The following LZTS2 variants were observed in gnomAD, a reference collection of about 807,000 sequenced individuals.
LZTS2 encodes the protein leucine zipper tumor suppressor 2.
LZTS2 carries 32 observed loss-of-function variants against 60.6 expected under a neutral mutation model. The ratio of observed to expected loss-of-function variants is 0.53; its 90% CI spans 0.40 to 0.71. The LOEUF (loss-of-function observed/expected upper bound fraction) is 0.71, where lower values mean the gene tolerates loss of function less well. Ranked by LOEUF, LZTS2 falls within the 30% of genes least tolerant of loss-of-function variation. The pLI is 0.00. For missense variants in LZTS2, 792 were observed against 901.9 expected, an observed-to-expected ratio of 0.88 and a Z score of 1.56; for synonymous variants, 360 against 393.1, an observed-to-expected ratio of 0.92 and a Z score of 1.00.
At chr10:101,003,969 G>C (rs1235690743) in exon 2 of LZTS2, 34 of 1,611,734 alleles carry the variant, frequency 2.1e-5, no homozygotes, top group Non-Finnish European at 2.7e-5. Flanking sequence ...CCGTGTGGCT[G>C]GGGGGCTTTT....
chr10:101,005,852 C>T, intron 3 of LZTS2, 137 bp downstream of exon 4: 1 of 1,229,554 alleles, frequency 8.1e-7, no homozygotes, highest in South Asian at 1.6e-5. Context: ...TGAGGTTCCC[C>T]TCTGTCCCTT....
rs1852245607 is a variant in LZTS2, at chr10:101,007,372, C to T, written c.*204C>T. The T allele has an allele frequency of 4.2e-6, 6 of 1,417,904 alleles. No homozygotes were observed. In the East Asian group the frequency reaches 1.3e-4, roughly 31 times the overall value. The allele number at this position is 1,417,904 out of a possible 1,614,324, so 87.8% of individuals were successfully genotyped here. ...AGCAAGATCAGACCGCTCAAAGGTC[C>T]CCGTGTTCACTGTTACCCAGAGGCT... On this transcript the variant is annotated 3_prime_UTR_variant, in exon 4 of 4. Transcript: ENST00000370220.
In LZTS2 at chr10:101,006,918, G is replaced by A. The variant is rs370968288; in HGVS notation, c.1760G>A (p.Arg587Gln). Residue 587 changes from arginine to glutamine, a missense_variant, in exon 4 of 4, where the codon CGG becomes CAG. By Grantham distance (43) the Arg-to-Gln change is conservative. Transcript: ENST00000370220. Reference sequence around the variant, plus strand: ...CGGGTGGAGCTGCAGCGGGAGCGGCGGCGGGGTGAGGAGCAGCGGGACAGC... The same window carrying A: ...CGGGTGGAGCTGCAGCGGGAGCGGCAGCGGGGTGAGGAGCAGCGGGACAGC... The A allele has an allele frequency of 2.6e-5, 40 of 1,530,496 alleles. No homozygotes were observed. Among genetic ancestry groups the A allele is most frequent in the East Asian group, 1.9e-4 (8 of 41,080 alleles). 94.8% of individuals were successfully genotyped at this position (1,530,496 alleles called of 1,614,324 possible). A position where few individuals can be genotyped will look rare whatever the true frequency, so the allele number is the denominator to read the frequency against.
upstream of LZTS2, among the ~76,000 whole-genome samples, chr10:100,998,178 G>A (rs531727104): frequency 2.0e-5 from 3 of 152,280 alleles, no homozygotes; most frequent in Non-Finnish European, 2.9e-5. Flanking sequence ...AAAGGAGGAC[G>A]AGCCCCTCCC....
At chr10:101,006,909 G>A (rs368130838) in exon 4 of LZTS2, 42 of 1,531,566 alleles carry the variant, frequency 2.7e-5, no homozygotes, top group African/African-American at 2.0e-4. Context: ...GAGCTGCAGC[G>A]GGAGCGGCGG....
intron 2 of LZTS2, 130 bp downstream of exon 3, chr10:101,004,296 C>A: frequency 1.0e-6 from 1 of 991,822 alleles, no homozygotes; most frequent in Non-Finnish European, 1.4e-6. Flanking sequence ...CTGCCCTCCC[C>A]ACCAGTTGTC....
chr10:101,004,967 G>A (rs973263692), intron 2 of LZTS2, among the ~76,000 whole-genome samples: 3 of 152,144 alleles, frequency 2.0e-5, no homozygotes, highest in Non-Finnish European at 4.4e-5. Flanking sequence ...CAAAGTGCTG[G>A]GATTACAGGC....
exon 2 of LZTS2, chr10:101,003,653 C>A: frequency 6.2e-7 from 1 of 1,609,500 alleles, no homozygotes; most frequent in Non-Finnish European, 8.5e-7. Flanking sequence ...TGTTTGGGGG[C>A]CCTGCCTCCT....
chr10:100,998,094 G>A (rs559467518), upstream of LZTS2, among the ~76,000 whole-genome samples: 44 of 152,262 alleles, frequency 2.9e-4, no homozygotes, highest in African/African-American at 1.0e-3. Context: ...TGCGGGAGTC[G>A]GAGTCTCCTC....
upstream of LZTS2, chr10:100,997,056 GC>G (rs1359504781): frequency 1.3e-5 from 2 of 152,634 alleles, no homozygotes; most frequent in African/African-American, 4.8e-5. Flanking sequence ...GAGCCGCCCC[GC>G]CCCGCCCCGC....
chr10:101,005,431 G>A (rs1852150485), intron 2 of LZTS2, 27 bp from the exon 4 acceptor site: 1 of 1,519,432 alleles, frequency 6.6e-7, no homozygotes, highest in Non-Finnish European at 8.8e-7. Context: ...AACTGCCCAG[G>A]AGCCAGGTCT....
exon 1 of LZTS2, chr10:101,001,408 C>T (rs1273377237): frequency 6.6e-6 from 1 of 152,226 alleles, no homozygotes; most frequent in Non-Finnish European, 1.5e-5. Flanking sequence ...CATTTTCATA[C>T]ACACGTGTTC....
intron 2 of LZTS2, among the ~76,000 whole-genome samples, chr10:101,004,474 G>A (rs1420739686): frequency 6.6e-6 from 1 of 152,100 alleles, no homozygotes; most frequent in Non-Finnish European, 1.5e-5. Flanking sequence ...GTGGTGGCAT[G>A]TACCTGTAGT....
At chr10:100,997,604 C>T, upstream of LZTS2, among the ~76,000 whole-genome samples, 1 of 151,412 alleles carries the variant, frequency 6.6e-6, no homozygotes, top group Admixed American at 6.6e-5. Flanking sequence ...CTGTGACTAC[C>T]GACGGGGGCG....
exon 4 of LZTS2, chr10:101,007,645 C>G: frequency 1.7e-6 from 2 of 1,161,774 alleles, no homozygotes; most frequent in South Asian, 3.3e-5. Flanking sequence ...AGCCTCTCTC[C>G]TGGAGTGAGG....
chr10:101,005,454 G>T lies in LZTS2; in HGVS notation c.1069-4G>T, dbSNP rs767141926. The T allele has an allele frequency of 6.4e-7, 1 of 1,553,702 alleles. No homozygotes were observed. Among genetic ancestry groups the T allele is most frequent in the African/African-American group, 1.4e-5 (1 of 73,880 alleles). On this transcript the variant is annotated splice_polypyrimidine_tract_variant and splice_region_variant and intron_variant, in intron 2 of 3. Coordinates refer to ENST00000370220, the Ensembl canonical transcript of LZTS2. ...AGGAGCCAGGTCTCTCTTCTCGCCT[G>T]CAGGCATACGAGGAGCGGCAGCGGC...
chr10:101,001,143 T>G (rs1852029181), exon 1 of LZTS2: 2 of 152,310 alleles, frequency 1.3e-5, no homozygotes, highest in Non-Finnish European at 2.9e-5. Flanking sequence ...CCACTCACCT[T>G]CCTAGTCACA....
Position 101,003,883 on chromosome 10 carries a change from G to A in LZTS2, c.785G>A (p.Arg262Gln), listed in dbSNP as rs773834150. Residue 262 changes from arginine to glutamine, a missense_variant, in exon 2 of 4, where the codon CGA (arginine) becomes CAA (glutamine). Arg to Gln is a conservative substitution (Grantham distance 43). Transcript: ENST00000370220. The stretch of plus-strand genomic sequence containing the variant: ...CGAGGGGCACTGCCTGGGCCAGCCC[G>A]AGGGGTCCCTACTGGGCCCTCCCAC... The A allele has an allele frequency of 4.3e-5, 70 of 1,612,984 alleles. 2 individuals are homozygous for A. In the Middle Eastern group the frequency reaches 2.8e-3, roughly 65 times the overall value.
At chr10:101,007,300 C>T in exon 4 of LZTS2, 1 of 1,422,384 alleles carries the variant, frequency 7.0e-7, no homozygotes, top group Non-Finnish European at 9.2e-7. Context: ...AGGATCCAGG[C>T]CTCTGGGCTT....
Sources: gnomAD v4.1 joint callset for allele counts (sites outside exome capture counted in the v4.1 genomes callset) on GRCh38, gnomAD v4.1.1 for gene constraint, MANE v1.5 for transcripts, NCBI Gene and HGNC (gene_info 2026-07-23, HGNC 2026-07-21) for gene names.